Variants in RYR1 observed in about 807,000 individuals in gnomAD.
The protein encoded by RYR1 is central core disease of muscle.
In RYR1, 342 loss-of-function variants were observed where a neutral mutation model predicts 583.5. The observed-to-expected ratio is 0.59, with a 90% CI of 0.54 to 0.64. The LOEUF (loss-of-function observed/expected upper bound fraction) is 0.64, where lower values mean the gene tolerates loss of function less well. RYR1 is among the 30% of genes least tolerant of loss of function. RYR1 has a pLI of 0.00. For missense variants in RYR1, 6,032 were observed against 6,917.2 expected, an observed-to-expected ratio of 0.87 and a Z score of 4.54; for synonymous variants, 2,791 against 2,822.5, an observed-to-expected ratio of 0.99 and a Z score of 0.35.
chr19:38,460,353 C>A (rs1038830767), intron 19 of RYR1, 22 bp from the exon 20 acceptor site: 8 of 1,607,858 alleles, frequency 5.0e-6, no homozygotes, highest in Non-Finnish European at 6.8e-6. Context: ...CTCAATGATC[C>A]CCATTGTCCT....
chr19:38,433,746 G>T lies in RYR1; in HGVS notation c.-84G>T. 35 of 520,698 alleles carry T rather than the reference G, an allele frequency of 6.7e-5. No individual in the cohort carries two copies. Among genetic ancestry groups the T allele is most frequent in the Non-Finnish European group, 1.0e-4 (28 of 269,338 alleles). 32.3% of individuals were successfully genotyped at this position (520,698 alleles called of 1,614,324 possible). ...GTGTCTCCAGAGGTCTCCGACCCCA[G>T]CCCGCCCCCAGCCCTCCCGCCCAGC... is the stretch of plus-strand genomic sequence containing the variant. On this transcript the variant is annotated 5_prime_UTR_variant, in exon 1 of 106. Coordinates refer to ENST00000359596, the MANE Select transcript of RYR1 (RefSeq NM_000540.3).
In RYR1 at chr19:38,440,871, G is replaced by T. The variant is rs772380427; in HGVS notation, c.165+7G>T. 3.7e-6 allele frequency: 6 copies of T among 1,610,202 alleles called. No homozygotes were observed. In the East Asian group the frequency reaches 1.3e-4, roughly 36 times the overall value. Reference sequence around the variant, plus strand: ...GCCCACTAGCAACGCGCAGGTCTGTGCAGGAGGGAGAGGGGCCTGGGGACA... The same window carrying T: ...GCCCACTAGCAACGCGCAGGTCTGTTCAGGAGGGAGAGGGGCCTGGGGACA... On this transcript the variant is annotated splice_region_variant and intron_variant, in intron 2 of 105. Coordinates refer to ENST00000359596, the MANE Select transcript of RYR1 (RefSeq NM_000540.3).
chr19:38,527,378 C>T (rs967913555), intron 72 of RYR1, among the ~76,000 whole-genome samples: 4 of 152,290 alleles, frequency 2.6e-5, no homozygotes, highest in Middle Eastern at 6.8e-3. Flanking sequence ...GGTGTGATGG[C>T]GGGTGCCTGT....
At chr19:38,452,126 C>CAAAAAAAAA (rs66571762) in intron 12 of RYR1, among the ~76,000 whole-genome samples, 1 of 68,880 alleles carries the variant, frequency 1.5e-5, no homozygotes. Flanking sequence ...CCGCCTCTAC[C>CAAAAAAAAA]AAAAAAAAAA....
chr19:38,564,938 G>C (rs1339023696), intron 90 of RYR1, 21 bp from the exon 91 acceptor site: 2 of 1,563,040 alleles, frequency 1.3e-6, no homozygotes, highest in South Asian at 1.2e-5. Context: ...GCCCTATCCT[G>C]TCTGCCGCCC....
At position 38,490,667 on chromosome 19, in the gene RYR1, G is replaced by GT; in HGVS notation, c.6063dup (p.Pro2022SerfsTer4). 1 of 1,613,664 alleles carries GT rather than the reference G, an allele frequency of 6.2e-7. No homozygotes were observed. The highest frequency in any genetic ancestry group is 8.5e-7 in the Non-Finnish European group (1 of 1,179,570). ...AAAGATGGTACAGATGAGGAAGACT[G>GT]TCCTCTCCCTGAAGAGATTCGACAG... On this transcript the variant is annotated frameshift_variant, in exon 37 of 106. Coordinates refer to ENST00000359596, the MANE Select transcript of RYR1 (RefSeq NM_000540.3). LOFTEE classifies it high-confidence loss of function.
chr19:38,473,609 A>G lies in RYR1; in HGVS notation c.3998A>G (p.Asn1333Ser). The part of the protein sequence containing the change: ...RAAEPDPDYE[N>S]LRRSAGGWSE... ...GCGGAACCCGACCCTGACTACGAAA[A>G]CCTGCGCCGCTCAGCTGGGGGCTGG... is the stretch of plus-strand genomic sequence containing the variant. Residue 1333 changes from asparagine (N) to serine (S), a missense_variant, in exon 28 of 106, where the codon AAC becomes AGC. By Grantham distance (46) the Asn-to-Ser change is conservative (BLOSUM62 1). Transcript: ENST00000359596. 6.4e-7 allele frequency: 1 copy of G among 1,572,012 alleles called. No homozygotes were observed. The highest frequency in any genetic ancestry group is 8.6e-7 in the Non-Finnish European group (1 of 1,158,986).
At chr19:38,537,827 G>A in intron 83 of RYR1, 53 bp from the exon 84 acceptor site, 2 of 1,514,976 alleles carry the variant, frequency 1.3e-6, no homozygotes, top group Non-Finnish European at 1.8e-6. Context: ...TGTGTGCGCT[G>A]TGTCTTGGCG....
chr19:38,517,086 A>T (rs1478284526), intron 65 of RYR1, among the ~76,000 whole-genome samples: 2 of 151,798 alleles, frequency 1.3e-5, no homozygotes, highest in South Asian at 2.1e-4. Flanking sequence ...TGGGCTTGGG[A>T]TGTGGGAGAT....
chr19:38,535,722 C>G, intron 81 of RYR1: 1 of 592,348 alleles, frequency 1.7e-6, no homozygotes, highest in South Asian at 2.0e-5. Context: ...CCTTTATTCA[C>G]CTCTTGCTGC....
chr19:38,530,593 G>A (rs1232806807), intron 76 of RYR1, among the ~76,000 whole-genome samples: 2 of 151,922 alleles, frequency 1.3e-5, no homozygotes, highest in African/African-American at 2.4e-5. Context: ...CTTACATAAC[G>A]TGAAGTCAAG....
chr19:38,513,042 GA>G (rs1970799788), intron 63 of RYR1, among the ~76,000 whole-genome samples: 1 of 151,578 alleles, frequency 6.6e-6, no homozygotes, highest in African/African-American at 2.4e-5. Flanking sequence ...TAAAGGTTAG[GA>G]AAAGTAGCAC....
At chr19:38,558,579 G>C (rs1275355588) in intron 89 of RYR1, among the ~76,000 whole-genome samples, 1 of 152,152 alleles carries the variant, frequency 6.6e-6, no homozygotes, top group African/African-American at 2.4e-5. Context: ...AGGAGTTCAA[G>C]ACCAGCCTGG....
At chr19:38,443,882 G>A in intron 5 of RYR1, 86 bp downstream of exon 5, 1 of 1,244,538 alleles carries the variant, frequency 8.0e-7, no homozygotes, top group Non-Finnish European at 1.2e-6. Flanking sequence ...GCCAAGGCAA[G>A]CATGAGACTA....
chr19:38,560,757 GAAAA>G (rs1181959924), intron 89 of RYR1, among the ~76,000 whole-genome samples: 2 of 139,292 alleles, frequency 1.4e-5, no homozygotes, highest in African/African-American at 5.2e-5. Context: ...AAAAGAGAAA[GAAAA>G]AGAAAAAAAA....
At position 38,543,911 on chromosome 19, in the gene RYR1, G is replaced by T; in HGVS notation, c.12012+36G>T. 6.3e-7 allele frequency: 1 copy of T among 1,591,918 alleles called. No individual in the cohort carries two copies. The highest frequency in any genetic ancestry group is 8.6e-7 in the Non-Finnish European group (1 of 1,166,556). On this transcript the variant is annotated intron_variant, in intron 87 of 105. Transcript: ENST00000359596. The surrounding 1 kb of genome is among the most constrained non-coding windows in gnomAD (Gnocchi z 4.4). ...CTCTGGTCTCCATCCACCTGCTTCCGGGCGTCCCCCAAGTGGTCCATTTCC... is the reference window on the plus strand; with the variant it reads ...CTCTGGTCTCCATCCACCTGCTTCCTGGCGTCCCCCAAGTGGTCCATTTCC...
chr19:38,485,826 G>A lies in RYR1; in HGVS notation c.5171G>A (p.Arg1724His), dbSNP rs372800648. The A allele has an allele frequency of 1.1e-5, 18 of 1,613,452 alleles. No individual in the cohort carries two copies. The highest frequency in any genetic ancestry group is 2.2e-5 in the South Asian group (2 of 91,092). The change falls in exon 34 of 106, where the codon CGC becomes CAC. Residue 1724 changes from arginine (R) to histidine (H), a missense_variant. By Grantham distance (29) the Arg-to-His change is conservative (BLOSUM62 0). Transcript: ENST00000359596. Reference protein sequence around the residue: ...LISIHLESACRSRRSMLSEYI... With the variant: ...LISIHLESACHSRRSMLSEYI... Reference sequence around the variant, plus strand: ...AGCATCCACCTCGAAAGTGCCTGCCGCAGCCGCCGCTCCATGCTCTCTGAA... The same window carrying A: ...AGCATCCACCTCGAAAGTGCCTGCCACAGCCGCCGCTCCATGCTCTCTGAA...
intron 94 of RYR1, among the ~76,000 whole-genome samples, chr19:38,571,424 C>T (rs911338308): frequency 2.6e-5 from 4 of 152,016 alleles, no homozygotes; most frequent in Admixed American, 1.3e-4. Flanking sequence ...ACCTGAAGTC[C>T]GGAATTCAAG....
At chr19:38,478,293 T>A in intron 30 of RYR1, 142 bp from the exon 31 acceptor site, 1 of 891,468 alleles carries the variant, frequency 1.1e-6, no homozygotes, top group South Asian at 1.5e-5. Flanking sequence ...GGGCGAGGGG[T>A]TTCAGCTCTC....
Sources: allele counts gnomAD v4.1 joint callset (sites outside exome capture counted in the v4.1 genomes callset), GRCh38; gene constraint gnomAD v4.1.1; non-coding constraint Gnocchi (gnomAD v3.1); transcripts MANE v1.5; gene names NCBI Gene and HGNC (gene_info 2026-07-23, HGNC 2026-07-21).